The following ASTN1 variants were observed in gnomAD, a reference collection of about 807,000 sequenced individuals.
ASTN1 encodes astrotactin 1, also known as astrotactin-1.
ASTN1 carries 41 observed loss-of-function variants against 140.7 expected under a neutral mutation model. The observed-to-expected ratio is 0.29, with a 90% CI of 0.23 to 0.38. ASTN1 has a LOEUF of 0.38. ASTN1 is among the 10% of genes least tolerant of loss of function. ASTN1 has a pLI of 1.00. For synonymous variants in ASTN1, 640 were observed against 652.2 expected (o/e 0.98, Z 0.29); for missense variants, 1,479 against 1,678.8 (o/e 0.88, Z 2.08).
At chr1:176,990,927 A>G (rs761442525) in intron 8 of ASTN1, among the ~76,000 whole-genome samples, 4 of 152,246 alleles carry the variant, frequency 2.6e-5, no homozygotes, top group Non-Finnish European at 5.9e-5. Flanking sequence ...TCATTTAGAT[A>G]TTAAAGATGA....
intron 18 of ASTN1, among the ~76,000 whole-genome samples, chr1:176,885,432 A>C (rs1027322334): frequency 1.3e-5 from 2 of 152,284 alleles, no homozygotes; most frequent in South Asian, 4.1e-4. Flanking sequence ...TATGTGCCTC[A>C]GGTTTCCCCT....
downstream of ASTN1, among the ~76,000 whole-genome samples, chr1:176,858,619 C>T (rs1161157912): frequency 5.3e-5 from 8 of 152,010 alleles, no homozygotes; most frequent in Non-Finnish European, 8.8e-5. Flanking sequence ...ACGTGACAGA[C>T]GGAAAATAAA....
intron 17 of ASTN1, among the ~76,000 whole-genome samples, chr1:176,894,357 G>A (rs1341736993): frequency 1.3e-5 from 2 of 152,304 alleles, no homozygotes; most frequent in Non-Finnish European, 1.5e-5. Context: ...TCATATTATC[G>A]TGGGTGTTGT....
At chr1:176,997,151 G>C (rs1371189022) in intron 8 of ASTN1, among the ~76,000 whole-genome samples, 5 of 152,042 alleles carry the variant, frequency 3.3e-5, no homozygotes, top group Non-Finnish European at 7.4e-5. Context: ...ATTGCCACCT[G>C]GTATTACCAA....
At chr1:176,907,732 C>T (rs1670061849) in intron 16 of ASTN1, among the ~76,000 whole-genome samples, 1 of 152,170 alleles carries the variant, frequency 6.6e-6, no homozygotes, top group African/African-American at 2.4e-5. Context: ...TGAACCCCTA[C>T]AACACAGAAC....
At chr1:177,129,217 G>T (rs1681820746) in intron 1 of ASTN1, among the ~76,000 whole-genome samples, 1 of 152,182 alleles carries the variant, frequency 6.6e-6, no homozygotes, top group African/African-American at 2.4e-5. Flanking sequence ...AAGAGTGTCA[G>T]TTCCTGGGCT....
chr1:177,064,971 T>C (rs1191088254), intron 1 of ASTN1, among the ~76,000 whole-genome samples: 2 of 152,170 alleles, frequency 1.3e-5, no homozygotes, highest in Non-Finnish European at 2.9e-5. Context: ...ATCATACTGG[T>C]CTGGATCCCA....
intron 7 of ASTN1, 72 bp from the exon 8 acceptor site, chr1:177,014,947 T>C (rs1365055518): frequency 2.9e-6 from 4 of 1,402,388 alleles, no homozygotes; most frequent in Non-Finnish European, 4.0e-6. Flanking sequence ...TTTGTAAAAA[T>C]TAACATGAAA....
intron 9 of ASTN1, among the ~76,000 whole-genome samples, chr1:176,963,308 G>T (rs1672744198): frequency 6.6e-6 from 1 of 152,202 alleles, no homozygotes; most frequent in African/African-American, 2.4e-5. Context: ...GCCAATTACA[G>T]TCATTGACCA....
chr1:177,082,399 T>C (rs954681695), intron 1 of ASTN1, among the ~76,000 whole-genome samples: 2 of 152,230 alleles, frequency 1.3e-5, no homozygotes, highest in African/African-American at 2.4e-5. Context: ...TCCATGCTCT[T>C]TTATTTGGCT....
intron 1 of ASTN1, among the ~76,000 whole-genome samples, chr1:177,098,775 T>A (rs926580828): frequency 5.3e-5 from 8 of 152,188 alleles, no homozygotes; most frequent in Non-Finnish European, 1.2e-4. Flanking sequence ...ATAAGGAAAT[T>A]AATATCATCT....
At chr1:177,138,234 A>T (rs1391803162) in intron 1 of ASTN1, among the ~76,000 whole-genome samples, 3 of 152,180 alleles carry the variant, frequency 2.0e-5, no homozygotes, top group Non-Finnish European at 4.4e-5. Context: ...CAGCCAGCAG[A>T]TTGGGACTGT....
intron 1 of ASTN1, among the ~76,000 whole-genome samples, chr1:177,128,829 T>C (rs1307358242): frequency 6.6e-6 from 1 of 152,176 alleles, no homozygotes; most frequent in African/African-American, 2.4e-5. Flanking sequence ...GCTCAGCCAC[T>C]GGCCTGAGGA....
At chr1:176,996,080 G>C (rs1230462592) in intron 8 of ASTN1, among the ~76,000 whole-genome samples, 2 of 152,096 alleles carry the variant, frequency 1.3e-5, no homozygotes, top group Admixed American at 6.6e-5. Context: ...TTCAGTGCTG[G>C]CATCAAAAAC....
chr1:177,054,224 G>A (rs1335601288), intron 2 of ASTN1, among the ~76,000 whole-genome samples: 6 of 152,150 alleles, frequency 3.9e-5, no homozygotes, highest in South Asian at 2.1e-4. Flanking sequence ...TCTGCAAAAT[G>A]AGTAATAACA....
intron 21 of ASTN1, among the ~76,000 whole-genome samples, chr1:176,869,237 T>C (rs867680445): frequency 1.3e-5 from 2 of 152,098 alleles, no homozygotes; most frequent in African/African-American, 4.8e-5. Flanking sequence ...TATACATATA[T>C]GCATGTTTAC....
At chr1:177,055,671 C>T (rs184985323) in intron 2 of ASTN1, among the ~76,000 whole-genome samples, 152 of 152,212 alleles carry the variant, frequency 1.0e-3, no homozygotes, top group Non-Finnish European at 1.8e-3. Flanking sequence ...TTGTACTTTC[C>T]GACTTATTAC....
intron 1 of ASTN1, among the ~76,000 whole-genome samples, chr1:177,137,611 C>T (rs891620302): frequency 2.6e-5 from 4 of 152,124 alleles, no homozygotes; most frequent in Admixed American, 2.0e-4. Flanking sequence ...TCACAGTTAC[C>T]TAGAGGTGGA....
intron 1 of ASTN1, among the ~76,000 whole-genome samples, chr1:177,112,172 C>T (rs1196495756): frequency 1.3e-5 from 2 of 152,214 alleles, no homozygotes; most frequent in African/African-American, 4.8e-5. Flanking sequence ...AACTTCATAG[C>T]AAATTGCTCT....
Sources: gnomAD v4.1 joint callset for allele counts (sites outside exome capture counted in the v4.1 genomes callset) on GRCh38, gnomAD v4.1.1 for gene constraint, MANE v1.5 for transcripts, NCBI Gene and HGNC (gene_info 2026-07-23, HGNC 2026-07-21) for gene names.